The following CDKAL1 variants were observed in gnomAD, a reference collection of about 807,000 sequenced individuals.
CDKAL1 encodes threonylcarbamoyladenosine tRNA methylthiotransferase.
Under a neutral mutation model 68.2 loss-of-function variants are expected in CDKAL1, and 32 were observed. The observed-to-expected ratio is 0.47, with a 90% confidence interval of 0.35 to 0.63. The LOEUF (loss-of-function observed/expected upper bound fraction) is 0.63. Ranked by LOEUF, CDKAL1 falls within the 30% of genes least tolerant of loss-of-function variation. The pLI, the probability that CDKAL1 is intolerant of heterozygous loss-of-function variation, is 0.00. For missense variants in CDKAL1, 606 were observed against 696.7 expected, an observed-to-expected ratio of 0.87 and a Z score of 1.47; for synonymous variants, 234 against 244.3, an observed-to-expected ratio of 0.96 and a Z score of 0.39.
At chr6:20,959,019 C>G (rs1346027695) in intron 10 of CDKAL1, among the ~76,000 whole-genome samples, 1 of 152,264 alleles carries the variant, frequency 6.6e-6, no homozygotes, top group East Asian at 1.9e-4. Context: ...TATTCAATCT[C>G]CATAGGAATA....
At chr6:21,110,697 G>A (rs6923546) in intron 13 of CDKAL1, among the ~76,000 whole-genome samples, 65,434 of 151,938 alleles carry the variant, frequency 0.43, 14,595 homozygotes, top group East Asian at 0.68. Context: ...ATTGGCTTAT[G>A]CCGGTAATCC....
At chr6:20,955,680 A>T in intron 10 of CDKAL1, 95 bp downstream of exon 10, 4 of 1,018,968 alleles carry the variant, frequency 3.9e-6, no homozygotes, top group South Asian at 4.7e-5. Context: ...TTCATTTAAA[A>T]CTCCTTCACA....
intron 8 of CDKAL1, among the ~76,000 whole-genome samples, chr6:20,791,881 G>A (rs1775912603): frequency 6.6e-6 from 1 of 151,838 alleles, no homozygotes; most frequent in African/African-American, 2.4e-5. Context: ...GCACTTGGAA[G>A]GGCACAGTAG....
intron 11 of CDKAL1, among the ~76,000 whole-genome samples, chr6:21,042,540 C>T (rs1265566858): frequency 2.0e-5 from 3 of 152,152 alleles, no homozygotes; most frequent in Non-Finnish European, 4.4e-5. Flanking sequence ...TTTACTGTCT[C>T]CACTTCCTTC....
intron 4 of CDKAL1, among the ~76,000 whole-genome samples, chr6:20,617,876 A>T (rs1057327863): frequency 6.6e-6 from 1 of 152,200 alleles, no homozygotes; most frequent in Non-Finnish European, 1.5e-5. Flanking sequence ...CGCAATAAAC[A>T]TACATGTACA....
intron 8 of CDKAL1, among the ~76,000 whole-genome samples, chr6:20,784,371 C>T (rs1775566483): frequency 7.4e-6 from 1 of 134,868 alleles, no homozygotes; most frequent in South Asian, 2.4e-4. Flanking sequence ...TTAATTATTG[C>T]ATTATTTTTA....
At chr6:20,624,955 G>A (rs1767361995) in intron 4 of CDKAL1, among the ~76,000 whole-genome samples, 1 of 152,052 alleles carries the variant, frequency 6.6e-6, no homozygotes, top group African/African-American at 2.4e-5. Context: ...TCATATGATT[G>A]TGGTTTAGGA....
chr6:20,933,302 G>A (rs1405462069), intron 9 of CDKAL1, among the ~76,000 whole-genome samples: 1 of 152,164 alleles, frequency 6.6e-6, no homozygotes, highest in Non-Finnish European at 1.5e-5. Context: ...TTTCCTTCTG[G>A]CTCCTACTGG....
intron 5 of CDKAL1, among the ~76,000 whole-genome samples, chr6:20,736,537 G>C (rs571217256): frequency 6.6e-6 from 1 of 152,106 alleles, no homozygotes; most frequent in Non-Finnish European, 1.5e-5. Context: ...TTGGGAGGCC[G>C]AGGCAGGCAG....
intron 5 of CDKAL1, among the ~76,000 whole-genome samples, chr6:20,738,804 G>A (rs56800380): frequency 6.6e-6 from 1 of 152,108 alleles, no homozygotes; most frequent in African/African-American, 2.4e-5. Context: ...CAATTACTTA[G>A]AATTTATACT....
At chr6:21,020,890 T>A (rs1768624956) in intron 11 of CDKAL1, among the ~76,000 whole-genome samples, 1 of 150,954 alleles carries the variant, frequency 6.6e-6, no homozygotes, top group South Asian at 2.1e-4. Flanking sequence ...GCATTACAGA[T>A]GTGTGTGTGT....
intron 12 of CDKAL1, among the ~76,000 whole-genome samples, chr6:21,080,641 T>C (rs1772338486): frequency 6.6e-6 from 1 of 152,196 alleles, no homozygotes; most frequent in Non-Finnish European, 1.5e-5. Context: ...CCTGACCTCT[T>C]GCCTACCTGC....
intron 10 of CDKAL1, among the ~76,000 whole-genome samples, chr6:20,989,128 C>T (rs1446284995): frequency 4.6e-5 from 7 of 151,768 alleles, no homozygotes; most frequent in South Asian, 4.2e-4. Flanking sequence ...TACGGTTTAC[C>T]GCAGAAACAG....
chr6:20,627,978 TTTGTTG>T (rs373973481), intron 4 of CDKAL1, among the ~76,000 whole-genome samples: 1 of 152,164 alleles, frequency 6.6e-6, no homozygotes. Flanking sequence ...CTAGGAGTTT[TTTGTTG>T]TTGTTGTTGT....
intron 4 of CDKAL1, among the ~76,000 whole-genome samples, chr6:20,639,161 C>T (rs1455861273): frequency 6.6e-6 from 1 of 152,102 alleles, no homozygotes; most frequent in Non-Finnish European, 1.5e-5. Context: ...TATTATTTTT[C>T]ATTTAAAAGA....
At chr6:20,643,829 TC>T (rs1263703952) in intron 4 of CDKAL1, among the ~76,000 whole-genome samples, 2 of 152,180 alleles carry the variant, frequency 1.3e-5, no homozygotes, top group Non-Finnish European at 2.9e-5. Flanking sequence ...CCTCTTTTTT[TC>T]CCTTCTTTTT....
chr6:20,969,337 TAAG>T (rs1013439655), intron 10 of CDKAL1, among the ~76,000 whole-genome samples: 2 of 152,138 alleles, frequency 1.3e-5, no homozygotes, highest in Admixed American at 1.3e-4. Flanking sequence ...AAGAAAATCA[TAAG>T]AAGAGAAAAT....
intron 4 of CDKAL1, among the ~76,000 whole-genome samples, chr6:20,613,519 C>T (rs1766743418): frequency 6.6e-6 from 1 of 150,864 alleles, no homozygotes. Flanking sequence ...AAGTGACCTG[C>T]CCTCCTCGGC....
At chr6:20,970,748 C>T (rs1401507020) in intron 10 of CDKAL1, among the ~76,000 whole-genome samples, 3 of 152,190 alleles carry the variant, frequency 2.0e-5, no homozygotes, top group Non-Finnish European at 2.9e-5. Context: ...ATGTATACTT[C>T]TTTAGATACT....
Sources: gnomAD v4.1 joint callset for allele counts (sites outside exome capture counted in the v4.1 genomes callset) on GRCh38, gnomAD v4.1.1 for gene constraint, MANE v1.5 for transcripts, NCBI Gene and HGNC (gene_info 2026-07-23, HGNC 2026-07-21) for gene names.